SLC35D1: variants seen among roughly 807,000 people sequenced by gnomAD.
The protein encoded by SLC35D1 is solute carrier family 35 member D1.
Under a neutral mutation model 46.7 loss-of-function variants are expected in SLC35D1, and 31 were observed. The ratio of observed to expected loss-of-function variants is 0.66; its 90% CI spans 0.50 to 0.90. SLC35D1 has a LOEUF of 0.90. SLC35D1 is among the 40% of genes least tolerant of loss of function. SLC35D1 has a pLI of 0.00. For synonymous variants in SLC35D1, 195 were observed against 164.6 expected (o/e 1.18, Z -1.41); for missense variants, 397 against 426.2 (o/e 0.93, Z 0.60).
chr1:66,983,958 T>C, the SLC35D1 span, among the ~76,000 whole-genome samples: 1 of 152,206 alleles, frequency 6.6e-6, no homozygotes, highest in African/African-American at 2.4e-5. Flanking sequence ...ACTCCTGACC[T>C]CATGATACAC....
chr1:66,979,368 C>T, the SLC35D1 span, among the ~76,000 whole-genome samples: 1 of 152,132 alleles, frequency 6.6e-6, no homozygotes, highest in African/African-American at 2.4e-5. Context: ...ATCCATAATT[C>T]AGAGCACATT....
chr1:66,997,154 G>A (rs1667246319), downstream of SLC35D1, among the ~76,000 whole-genome samples: 1 of 152,120 alleles, frequency 6.6e-6, no homozygotes. Context: ...CAAAGTCAAT[G>A]GATATAATCA....
the SLC35D1 span, among the ~76,000 whole-genome samples, chr1:66,973,304 A>G: frequency 6.6e-6 from 1 of 152,046 alleles, no homozygotes; most frequent in Non-Finnish European, 1.5e-5. Flanking sequence ...ACAGTCTGTG[A>G]CTGTTTTATG....
chr1:67,036,314 T>C (rs1668122016), intron 8 of SLC35D1, among the ~76,000 whole-genome samples: 1 of 152,172 alleles, frequency 6.6e-6, no homozygotes, highest in Admixed American at 6.5e-5. Context: ...TTGGGATCTA[T>C]CTCTCTCTTT....
intron 8 of SLC35D1, chr1:67,031,960 G>T: frequency 1.4e-6 from 1 of 694,174 alleles, no homozygotes; most frequent in Non-Finnish European, 1.8e-6. Context: ...CATTTAAAAT[G>T]AAACAAAACT....
chr1:66,984,847 C>G, the SLC35D1 span: 1 of 1,609,130 alleles, frequency 6.2e-7, no homozygotes, highest in South Asian at 1.1e-5. Context: ...TGAATTTTTC[C>G]AAGAAGCAGT....
At chr1:66,987,012 A>G in the SLC35D1 span, 1 of 152,362 alleles carries the variant, frequency 6.6e-6, no homozygotes, top group East Asian at 1.9e-4. Context: ...AGTTCTTGCA[A>G]ACTCTTACTA....
intron 10 of SLC35D1, among the ~76,000 whole-genome samples, chr1:67,013,177 T>TA (rs1667611610): frequency 1.4e-5 from 2 of 145,722 alleles, no homozygotes; most frequent in African/African-American, 5.2e-5. Flanking sequence ...TATCCTGTTC[T>TA]TAAATTTTTT....
At chr1:67,012,545 C>CAAAAAAAAAAAA (rs10674963) in intron 10 of SLC35D1, among the ~76,000 whole-genome samples, 2 of 103,194 alleles carry the variant, frequency 1.9e-5, no homozygotes, top group African/African-American at 3.3e-5. Flanking sequence ...ACTCCTAAAT[C>CAAAAAAAAAAAA]AAAAAAAAAA....
chr1:67,012,790 AAT>A (rs1411104883), intron 10 of SLC35D1, among the ~76,000 whole-genome samples: 1 of 152,162 alleles, frequency 6.6e-6, no homozygotes, highest in Non-Finnish European at 1.5e-5. Flanking sequence ...TATGGCTGGT[AAT>A]TCAAGTTGTA....
chr1:67,033,901 T>C (rs1442683014), intron 8 of SLC35D1, among the ~76,000 whole-genome samples: 1 of 152,222 alleles, frequency 6.6e-6, no homozygotes. Context: ...TTTTTGCATA[T>C]GTACACCCGG....
the SLC35D1 span, among the ~76,000 whole-genome samples, chr1:66,978,234 G>C: frequency 6.6e-6 from 1 of 150,554 alleles, no homozygotes; most frequent in African/African-American, 2.4e-5. Context: ...ATGTTTATTT[G>C]ATCTTGCTCT....
chr1:66,983,319 T>C, the SLC35D1 span, among the ~76,000 whole-genome samples: 13 of 152,252 alleles, frequency 8.5e-5, no homozygotes, highest in African/African-American at 3.1e-4. Context: ...CAATATATTA[T>C]GATGCATAAT....
intron 8 of SLC35D1, among the ~76,000 whole-genome samples, chr1:67,039,021 C>T (rs558182447): frequency 1.2e-4 from 19 of 152,172 alleles, no homozygotes; most frequent in African/African-American, 4.1e-4. Flanking sequence ...CTGTATCAAC[C>T]CCATCAACTG....
At chr1:66,985,078 G>A in the SLC35D1 span, 5 of 1,340,356 alleles carry the variant, frequency 3.7e-6, no homozygotes, top group South Asian at 1.0e-4. Context: ...TTACTTTAAA[G>A]CTGTCAGACT....
At chr1:66,985,382 T>C in the SLC35D1 span, 1 of 984,266 alleles carries the variant, frequency 1.0e-6, no homozygotes, top group Non-Finnish European at 1.2e-6. Flanking sequence ...CACCAAACAG[T>C]TTGAGTATCT....
chr1:67,028,788 A>T (rs1225984321), intron 8 of SLC35D1, among the ~76,000 whole-genome samples: 3 of 152,220 alleles, frequency 2.0e-5, no homozygotes, highest in Admixed American at 6.5e-5. Context: ...TTCATCTTGG[A>T]CAGTTTCCAT....
At chr1:67,017,597 T>C (rs1667710936) in intron 10 of SLC35D1, among the ~76,000 whole-genome samples, 1 of 152,176 alleles carries the variant, frequency 6.6e-6, no homozygotes, top group Admixed American at 6.5e-5. Flanking sequence ...TCAATGCTGA[T>C]TTGAACTATA....
intron 11 of SLC35D1, 135 bp downstream of exon 11, chr1:67,008,950 T>C (rs1667506962): frequency 3.9e-6 from 2 of 511,634 alleles, no homozygotes; most frequent in South Asian, 4.3e-5. Flanking sequence ...ACATTAAATA[T>C]GTAGCACATA....
Sources: allele counts gnomAD v4.1 joint callset (sites outside exome capture counted in the v4.1 genomes callset), GRCh38; gene constraint gnomAD v4.1.1; transcripts MANE v1.5; gene names NCBI Gene and HGNC (gene_info 2026-07-23, HGNC 2026-07-21).